The following EFCAB8 variants were observed in gnomAD, a reference collection of about 807,000 sequenced individuals.
EFCAB8 encodes the protein EF-hand calcium binding domain 8, also known as EF-hand calcium-binding domain-containing protein 8.
In EFCAB8, 100 loss-of-function variants were observed where a neutral mutation model predicts 116.3. That is an observed-to-expected ratio of 0.86 (90% confidence interval 0.73 to 1.02). The LOEUF (loss-of-function observed/expected upper bound fraction) is 1.02, where lower values mean the gene tolerates loss of function less well. EFCAB8 is among the 50% of genes least tolerant of loss of function. The pLI is 0.00. For missense variants in EFCAB8, 1,320 were observed against 1,416.9 expected (o/e 0.93, Z 1.10); for synonymous variants, 558 against 567.9 (o/e 0.98, Z 0.25).
At chr20:32,873,653 A>G (rs1164667688) in intron 3 of EFCAB8, among the ~76,000 whole-genome samples, 7 of 151,656 alleles carry the variant, frequency 4.6e-5, no homozygotes, top group Admixed American at 2.6e-4. Context: ...ACTTGAGGTC[A>G]GGAGTTTGAG....
intron 19 of EFCAB8, among the ~76,000 whole-genome samples, chr20:32,919,183 A>G (rs987747499): frequency 6.6e-6 from 1 of 152,184 alleles, no homozygotes; most frequent in Non-Finnish European, 1.5e-5. Context: ...GTATTCCAAC[A>G]ATCAGTGCAA....
At chr20:32,957,243 A>T (rs1343510814) in intron 23 of EFCAB8, among the ~76,000 whole-genome samples, 2 of 151,718 alleles carry the variant, frequency 1.3e-5, no homozygotes, top group African/African-American at 2.4e-5. Context: ...TGGAGGGCCC[A>T]CTTCTAATGC....
At chr20:32,892,392 C>G in intron 8 of EFCAB8, 95 bp downstream of exon 8, 1 of 1,132,214 alleles carries the variant, frequency 8.8e-7, no homozygotes. Flanking sequence ...CCCAGAAAGC[C>G]TCCTTGGAAA....
chr20:32,959,584 G>A (rs1026014003), intron 24 of EFCAB8, among the ~76,000 whole-genome samples, 194 bp from the exon 25 acceptor site: 11 of 152,152 alleles, frequency 7.2e-5, no homozygotes, highest in African/African-American at 2.7e-4. Flanking sequence ...GGACTGCTGG[G>A]CCAGCTGGAT....
intron 9 of EFCAB8, among the ~76,000 whole-genome samples, chr20:32,894,957 A>G (rs1354699494): frequency 6.6e-6 from 1 of 152,210 alleles, no homozygotes; most frequent in Non-Finnish European, 1.5e-5. Flanking sequence ...TTACTTTGCA[A>G]GCTTCCTCCT....
intron 11 of EFCAB8, among the ~76,000 whole-genome samples, chr20:32,899,132 TC>T (rs1986304105): frequency 1.3e-5 from 2 of 152,100 alleles, no homozygotes. Flanking sequence ...ACGCCAGTAA[TC>T]CCAGCACTTT....
In EFCAB8 at chr20:32,858,976, A is replaced by G. The variant is rs531824381; in HGVS notation, c.-41A>G. On this transcript the variant is annotated 5_prime_UTR_variant, in exon 1 of 27. Coordinates refer to ENST00000400522, the MANE Select transcript of EFCAB8 (RefSeq NM_001143967.2). Reference sequence around the variant, plus strand: ...AGCACTTTGCCAGACTTTGCCAGCAAGATTAACTGAGGAGATCAAATTGAG... The same window carrying G: ...AGCACTTTGCCAGACTTTGCCAGCAGGATTAACTGAGGAGATCAAATTGAG... The G allele has an allele frequency of 1.1e-5, 5 of 470,986 alleles. No individual in the cohort carries two copies. The highest frequency in any genetic ancestry group is 1.0e-4 in the African/African-American group (5 of 50,050). 29.2% of individuals were successfully genotyped at this position (470,986 alleles called of 1,614,324 possible).
chr20:32,918,416 G>C lies in EFCAB8; in HGVS notation c.2116G>C (p.Val706Leu). 6.4e-7 allele frequency: 1 copy of C among 1,551,770 alleles called. No individual in the cohort carries two copies. Among genetic ancestry groups the C allele is most frequent in the Non-Finnish European group, 8.7e-7 (1 of 1,147,006 alleles). ...GAGCCACAGGCCCAGCAGACCCTAT[G>C]TGGAGCGGGAGAAGTGGACATACAA... is the stretch of plus-strand genomic sequence containing the variant. ...AESHRPSRPY[V>L]EREKWTYKTS... The change falls in exon 19 of 27, where the codon GTG (valine) becomes CTG (leucine). Residue 706 changes from valine (V) to leucine (L), a missense_variant. Coordinates refer to ENST00000400522, the MANE Select transcript of EFCAB8 (RefSeq NM_001143967.2).
chr20:32,884,429 C>G (rs1985501143), intron 5 of EFCAB8, among the ~76,000 whole-genome samples: 1 of 152,304 alleles, frequency 6.6e-6, no homozygotes, highest in Non-Finnish European at 1.5e-5. Context: ...TTGGCCCTGA[C>G]AGAAGTGGCA....
chr20:32,935,081 G>A (rs1037433502), intron 22 of EFCAB8, among the ~76,000 whole-genome samples: 1 of 150,680 alleles, frequency 6.6e-6, no homozygotes, highest in African/African-American at 2.4e-5. Context: ...GTGGTGCTCA[G>A]CATTTTTTTT....
At chr20:32,960,188 A>G in intron 26 of EFCAB8, 27 bp downstream of exon 26, 1 of 1,547,810 alleles carries the variant, frequency 6.5e-7, no homozygotes, top group Non-Finnish European at 8.7e-7. Flanking sequence ...CAGCTCCCCA[A>G]GAGGCTGGGT....
At chr20:32,911,856 C>T in intron 16 of EFCAB8, 149 bp downstream of exon 16, 2 of 739,926 alleles carry the variant, frequency 2.7e-6, no homozygotes, top group Non-Finnish European at 4.6e-6. Context: ...CCCTGAGCCT[C>T]TGTGTCCTCA....
rs111692588 is a variant in EFCAB8 at position 32,870,343 on chromosome 20, C to T, written c.208+2596C>T. On this transcript the variant is annotated intron_variant, in intron 3 of 26. Transcript: ENST00000400522. ...GTGTATGTTTTGAATAGGTAATATA[C>T]CCACACAGTTCAATATATCCAAACG... Among the ~76,000 whole-genome samples, 994 of 152,220 alleles carry T rather than the reference C, an allele frequency of 6.5e-3. 14 individuals are homozygous for T. The highest frequency in any genetic ancestry group is 0.023 in the African/African-American group (950 of 41,534).
chr20:32,946,705 T>C (rs1039499586), intron 23 of EFCAB8, among the ~76,000 whole-genome samples: 1 of 152,166 alleles, frequency 6.6e-6, no homozygotes, highest in Admixed American at 6.5e-5. Flanking sequence ...TTCTGTGAGG[T>C]TTCATGAATG....
At position 32,917,364 on chromosome 20, in the gene EFCAB8, C is replaced by A. The variant is rs1253886172; in HGVS notation, c.1920C>A (p.Ile640=). Reference sequence around the variant, plus strand: ...GGCAGACCTACCACACGGAGGACATCCTGAGCATGGCCAAGTACCGGAACC... The same window carrying A: ...GGCAGACCTACCACACGGAGGACATACTGAGCATGGCCAAGTACCGGAACC... The part of the protein sequence containing the change: ...YHWQTYHTED[I]LSMAKYRNQF... Residue 640 remains isoleucine (I), a synonymous_variant, in exon 18 of 27, where the codon ATC becomes ATA. Transcript: ENST00000400522. 2.6e-6 allele frequency: 4 copies of A among 1,551,676 alleles called. No individual in the cohort carries two copies. The African/African-American group carries it at 4.1e-5, about 16-fold the overall frequency.
intron 23 of EFCAB8, among the ~76,000 whole-genome samples, chr20:32,956,943 CT>C (rs61235703): frequency 0.24 from 32,212 of 132,638 alleles, 3,654 homozygotes; most frequent in Middle Eastern, 0.32. Context: ...ATGCCCTATT[CT>C]TTTTTTTTTT....
intron 1 of EFCAB8, among the ~76,000 whole-genome samples, chr20:32,863,286 T>C (rs1258046918): frequency 6.6e-6 from 1 of 152,174 alleles, no homozygotes. Flanking sequence ...GTTCTCTTTA[T>C]ATTCCCAGAG....
intron 18 of EFCAB8, among the ~76,000 whole-genome samples, chr20:32,918,122 A>T (rs1987273161): frequency 6.6e-6 from 1 of 152,262 alleles, no homozygotes; most frequent in South Asian, 2.1e-4. Context: ...TCCATTTTAC[A>T]GATGAGAAGA....
intron 2 of EFCAB8, among the ~76,000 whole-genome samples, 192 bp from the exon 3 acceptor site, chr20:32,867,390 C>T (rs756384301): frequency 1.8e-4 from 28 of 152,316 alleles, no homozygotes; most frequent in African/African-American, 4.3e-4. Flanking sequence ...TCTCCAAAGT[C>T]GGAAGAGTCT....
Sources: gnomAD v4.1 joint callset for allele counts (sites outside exome capture counted in the v4.1 genomes callset) on GRCh38, gnomAD v4.1.1 for gene constraint, MANE v1.5 for transcripts, NCBI Gene and HGNC (gene_info 2026-07-23, HGNC 2026-07-21) for gene names.